LIPA: variants seen among roughly 807,000 people sequenced by gnomAD.
LIPA encodes the protein lysosomal acid lipase/cholesteryl ester hydrolase.
LIPA carries 26 observed loss-of-function variants against 40.6 expected under a neutral mutation model. The observed-to-expected ratio is 0.64, with a 90% CI of 0.47 to 0.89. The LOEUF (loss-of-function observed/expected upper bound fraction) is 0.89, where lower values mean the gene tolerates loss of function less well. Ranked by LOEUF, LIPA falls within the 40% of genes least tolerant of loss-of-function variation. The pLI is 0.00. For synonymous variants in LIPA, 188 were observed against 168.4 expected (o/e 1.12, Z -0.90); for missense variants, 455 against 479.6 (o/e 0.95, Z 0.48).
chr10:89,230,971 C>A (rs371262163), intron 3 of LIPA, among the ~76,000 whole-genome samples: 6 of 152,160 alleles, frequency 3.9e-5, no homozygotes, highest in Non-Finnish European at 8.8e-5. Flanking sequence ...TCTGCTCATT[C>A]TTTATAACAG....
intron 2 of LIPA, among the ~76,000 whole-genome samples, chr10:89,381,473 G>T (rs1416468301): frequency 6.6e-6 from 1 of 152,122 alleles, no homozygotes. Flanking sequence ...GAAGATTTCT[G>T]GGACTCCTCA....
At chr10:89,277,733 G>C (rs1843296044) in intron 1 of LIPA, among the ~76,000 whole-genome samples, 1 of 152,170 alleles carries the variant, frequency 6.6e-6, no homozygotes, top group Non-Finnish European at 1.5e-5. Flanking sequence ...ATTGGGTTCA[G>C]GGATATGACT....
upstream of LIPA, among the ~76,000 whole-genome samples, chr10:89,346,555 C>T (rs1843923400): frequency 6.6e-6 from 1 of 152,156 alleles, no homozygotes; most frequent in African/African-American, 2.4e-5. Context: ...CAGGGTGGTT[C>T]CTGTTAGAAT....
intron 2 of LIPA, among the ~76,000 whole-genome samples, chr10:89,350,727 T>C (rs571805407): frequency 1.1e-4 from 17 of 152,340 alleles, no homozygotes; most frequent in African/African-American, 3.4e-4. Context: ...CATCATTTCT[T>C]ACTTTTTAAG....
intron 1 of LIPA, chr10:89,332,390 G>A: frequency 1.0e-6 from 1 of 998,616 alleles, no homozygotes; most frequent in Non-Finnish European, 1.4e-6. Context: ...AAATCTGTCT[G>A]GAACATGTTC....
chr10:89,390,149 G>A (rs1844236186), intron 2 of LIPA, among the ~76,000 whole-genome samples: 1 of 151,868 alleles, frequency 6.6e-6, no homozygotes, highest in South Asian at 2.1e-4. Flanking sequence ...ACCACGCCCG[G>A]CTAATTATGT....
At chr10:89,398,093 G>A (rs1319963038) in intron 2 of LIPA, among the ~76,000 whole-genome samples, 2 of 152,166 alleles carry the variant, frequency 1.3e-5, no homozygotes, top group African/African-American at 4.8e-5. Context: ...CCCCCAGTGT[G>A]GAGGATCAGT....
intron 2 of LIPA, among the ~76,000 whole-genome samples, chr10:89,355,170 TTA>T (rs1330846854): frequency 6.6e-6 from 1 of 152,186 alleles, no homozygotes; most frequent in Non-Finnish European, 1.5e-5. Context: ...TATCAAACTT[TTA>T]TGTCTGCCCC....
intron 2 of LIPA, among the ~76,000 whole-genome samples, chr10:89,354,114 A>G (rs1289679503): frequency 1.3e-5 from 2 of 152,200 alleles, no homozygotes; most frequent in Non-Finnish European, 2.9e-5. Context: ...AGGTTGCTGC[A>G]GAACTGTATG....
chr10:89,247,436 A>C (rs1843041213), intron 2 of LIPA, 102 bp downstream of exon 2: 10 of 628,110 alleles, frequency 1.6e-5, no homozygotes, highest in Non-Finnish European at 2.6e-5. Flanking sequence ...AAAGCAAAGG[A>C]GTTATAAAGA....
intron 2 of LIPA, chr10:89,383,493 T>C (rs777625306): frequency 8.1e-6 from 13 of 1,614,060 alleles, no homozygotes; most frequent in South Asian, 7.7e-5. Context: ...TACTAGCCTA[T>C]GTGAAACACC....
chr10:89,234,249 C>A (rs111966601), intron 3 of LIPA, among the ~76,000 whole-genome samples: 9 of 152,346 alleles, frequency 5.9e-5, no homozygotes, highest in African/African-American at 2.2e-4. Flanking sequence ...CTGATTCTGA[C>A]GCGCAGCCAG....
At chr10:89,268,880 G>A (rs1287882864) in intron 1 of LIPA, among the ~76,000 whole-genome samples, 1 of 151,840 alleles carries the variant, frequency 6.6e-6, no homozygotes, top group East Asian at 1.9e-4. Flanking sequence ...CAGCTACTCG[G>A]GAGGCTGAGG....
intron 3 of LIPA, among the ~76,000 whole-genome samples, chr10:89,237,842 AGTGG>A (rs1842924225): frequency 6.6e-6 from 1 of 152,218 alleles, no homozygotes; most frequent in Non-Finnish European, 1.5e-5. Context: ...AAGGCATCGA[AGTGG>A]TCTACTTGCC....
Position 89,377,228 on chromosome 10 carries a change from C to T in LIPA, c.61+35563G>A, listed in dbSNP as rs577203962. On this transcript the variant is annotated intron_variant, in intron 2 of 8. Transcript: ENST00000371837. ...TTGATTGACTCTCTGATGGTTGTTG[C>T]TTTGTAACAGATAATCTTCAAAATA... is the stretch of plus-strand genomic sequence containing the variant. Among the ~76,000 whole-genome samples, 28 of 152,290 alleles carry T rather than the reference C, an allele frequency of 1.8e-4. 2 individuals are homozygous for T. Among genetic ancestry groups the T allele is most frequent in the Middle Eastern group, 3.4e-3 (1 of 294 alleles).
At chr10:89,257,243 C>A (rs1295420195) in intron 1 of LIPA, among the ~76,000 whole-genome samples, 2 of 152,112 alleles carry the variant, frequency 1.3e-5, no homozygotes, top group African/African-American at 2.4e-5. Context: ...GAGAATACTC[C>A]CTTTATGGCC....
chr10:89,379,135 T>C (rs1844142896), intron 2 of LIPA, among the ~76,000 whole-genome samples: 2 of 152,242 alleles, frequency 1.3e-5, no homozygotes, highest in African/African-American at 4.8e-5. Context: ...TGTTGTTTGT[T>C]TGTTTTTGAT....
intron 1 of LIPA, chr10:89,285,110 C>T (rs61853123): frequency 0.055 from 6,792 of 122,380 alleles, 91 homozygotes; most frequent in South Asian, 0.11. Context: ...CACATGGACG[C>T]GAGTGACATT....
chr10:89,392,122 T>C (rs1053475210), intron 2 of LIPA, among the ~76,000 whole-genome samples: 5 of 152,212 alleles, frequency 3.3e-5, no homozygotes, highest in African/African-American at 7.2e-5. Flanking sequence ...ATTGGTTGCT[T>C]ATTTCCGTCA....
Sources: gnomAD v4.1 joint callset for allele counts (sites outside exome capture counted in the v4.1 genomes callset) on GRCh38, gnomAD v4.1.1 for gene constraint, MANE v1.5 for transcripts, NCBI Gene and HGNC (gene_info 2026-07-23, HGNC 2026-07-21) for gene names.